Variants in PCDHGA1 observed in about 807,000 individuals in gnomAD.
The protein encoded by PCDHGA1 is protocadherin gamma subfamily A, 1.
In PCDHGA1, 32 loss-of-function variants were observed where a neutral mutation model predicts 58.0. That is an observed-to-expected ratio of 0.55 (90% CI 0.42 to 0.74). The LOEUF is 0.74. Ranked by LOEUF, PCDHGA1 falls within the 30% of genes least tolerant of loss-of-function variation. PCDHGA1 has a pLI of 0.00. For missense variants in PCDHGA1, 1,205 were observed against 1,182.3 expected, an observed-to-expected ratio of 1.02 and a Z score of -0.28; for synonymous variants, 498 against 501.1, an observed-to-expected ratio of 0.99 and a Z score of 0.08.
Position 141,432,771 on chromosome 5 carries a change from T to G in PCDHGA1, c.2422-62036T>G. The G allele has an allele frequency of 6.2e-7, 1 of 1,614,006 alleles. No homozygotes were observed. The highest frequency in any genetic ancestry group is 8.5e-7 in the Non-Finnish European group (1 of 1,179,966). On this transcript the variant is annotated intron_variant, in intron 1 of 3. Coordinates refer to ENST00000517417, the MANE Select transcript of PCDHGA1 (RefSeq NM_018912.3). This position sits in a 1 kb window ranked among gnomAD's most constrained non-coding sequence, Gnocchi z 6.0. ...GCCGTGGCCGACAGCATCCCCCAAG[T>G]CCTGGCGGACCTCGGCAGCCTCGAG...
Position 141,432,331 on chromosome 5 carries a change from G to A in PCDHGA1, c.2422-62476G>A, listed in dbSNP as rs763952193. Reference sequence around the variant, plus strand: ...CGCTGAGCTCCTTCGACTACGAGCAGTTCCGAGACTTGCAAGTGAAAGTGA... The same window carrying A: ...CGCTGAGCTCCTTCGACTACGAGCAATTCCGAGACTTGCAAGTGAAAGTGA... On this transcript the variant is annotated intron_variant, in intron 1 of 3. Transcript: ENST00000517417. The surrounding 1 kb of genome is among the most constrained non-coding windows in gnomAD (Gnocchi z 6.0). The A allele has an allele frequency of 1.2e-6, 2 of 1,614,278 alleles. No individual in the cohort carries two copies. Among genetic ancestry groups the A allele is most frequent in the East Asian group, 2.2e-5 (1 of 44,888 alleles).
chr5:141,475,938 G>T (rs756781296), intron 1 of PCDHGA1: 22 of 682,776 alleles, frequency 3.2e-5, no homozygotes, highest in African/African-American at 7.2e-5. Flanking sequence ...GCCCCTGCCC[G>T]TCCCCTTTCT....
At chr5:141,416,119 T>G (rs930613185) in intron 1 of PCDHGA1, 1 of 155,364 alleles carries the variant, frequency 6.4e-6, no homozygotes, top group Admixed American at 6.5e-5. Flanking sequence ...AACTACATTT[T>G]ATATATTTTT....
chr5:141,384,293 A>G, intron 1 of PCDHGA1: 1 of 1,613,660 alleles, frequency 6.2e-7, no homozygotes, highest in Non-Finnish European at 8.5e-7. Flanking sequence ...GCTGAGAACA[A>G]CCCCAGAGGG....
intron 1 of PCDHGA1, chr5:141,393,177 G>A (rs1330463387): frequency 6.2e-7 from 1 of 1,613,292 alleles, no homozygotes; most frequent in South Asian, 1.1e-5. Flanking sequence ...GGTAGAAATA[G>A]AAATAATTGA....
At chr5:141,426,231 C>A in intron 1 of PCDHGA1, 1 of 158,042 alleles carries the variant, frequency 6.3e-6, no homozygotes, top group Non-Finnish European at 1.4e-5. Flanking sequence ...ATTTTAAAAG[C>A]ACTTTGTGAA....
chr5:141,511,793 G>A lies in PCDHGA1; in HGVS notation c.*620G>A, dbSNP rs2099883948. The stretch of plus-strand genomic sequence containing the variant: ...TACTGATGCTTGCTGGATTTAGGGA[G>A]GGCATTTTGCTACCAAGCCTCTTCC... On this transcript the variant is annotated 3_prime_UTR_variant, in exon 4 of 4. Coordinates refer to ENST00000517417, the MANE Select transcript of PCDHGA1 (RefSeq NM_018912.3). 6.4e-6 allele frequency: 1 copy of A among 157,066 alleles called. No homozygotes were observed. The highest frequency in any genetic ancestry group is 2.4e-5 in the African/African-American group (1 of 41,492). 9.7% of individuals were successfully genotyped at this position (157,066 alleles called of 1,614,324 possible). A position where few individuals can be genotyped will look rare whatever the true frequency, so the allele number is the denominator to read the frequency against.
chr5:141,372,366 G>A lies in PCDHGA1; in HGVS notation c.2421+39261G>A, dbSNP rs867619570. ...AGGACAGCAGCCTCTTTCAGCCACC[G>A]TCATGCTGCACCTAATCTTCGCAGA... On this transcript the variant is annotated intron_variant, in intron 1 of 3. Coordinates refer to ENST00000517417, the MANE Select transcript of PCDHGA1 (RefSeq NM_018912.3). The A allele has an allele frequency of 3.7e-6, 6 of 1,613,832 alleles. No homozygotes were observed. In the African/African-American group the frequency reaches 6.7e-5, roughly 18 times the overall value.
chr5:141,366,157 T>G, intron 1 of PCDHGA1: 1 of 1,614,080 alleles, frequency 6.2e-7, no homozygotes, highest in Non-Finnish European at 8.5e-7. Flanking sequence ...ACCGCCTGCT[T>G]AAGGCCAGCG....
chr5:141,422,685 C>G lies in PCDHGA1; in HGVS notation c.2422-72122C>G, dbSNP rs754112462. The G allele has an allele frequency of 2.5e-6, 4 of 1,605,144 alleles. No individual in the cohort carries two copies. The South Asian group carries it at 4.5e-5, about 18-fold the overall frequency. On this transcript the variant is annotated intron_variant, in intron 1 of 3. Coordinates refer to ENST00000517417, the MANE Select transcript of PCDHGA1 (RefSeq NM_018912.3). ...TCGACCCGGACAGCAAACAGAATGCCCTGGTCACTTACTCTCTGACGGATG... is the reference window on the plus strand; with the variant it reads ...TCGACCCGGACAGCAAACAGAATGCGCTGGTCACTTACTCTCTGACGGATG...
In PCDHGA1 at chr5:141,461,259, T is replaced by C. The variant is rs114101293; in HGVS notation, c.2422-33548T>C. Among the ~76,000 whole-genome samples the C allele has an allele frequency of 4.2e-3, 640 of 152,290 alleles. 5 individuals are homozygous for C. The highest frequency in any genetic ancestry group is 0.015 in the African/African-American group (623 of 41,554). On this transcript the variant is annotated intron_variant, in intron 1 of 3. Coordinates refer to ENST00000517417, the MANE Select transcript of PCDHGA1 (RefSeq NM_018912.3). ...TACTAATTTATATTCCCAGCAGCAA[T>C]GTGTAAGTGTTCTCTTTTCCCCACA...
chr5:141,389,888 G>A, intron 1 of PCDHGA1: 1 of 1,614,086 alleles, frequency 6.2e-7, no homozygotes, highest in Non-Finnish European at 8.5e-7. Context: ...GCTTGCAGGA[G>A]GTGCTGCCGG....
At chr5:141,340,774 C>A in intron 1 of PCDHGA1, 1 of 1,613,928 alleles carries the variant, frequency 6.2e-7, no homozygotes, top group Non-Finnish European at 8.5e-7. Context: ...CGGGCCAGAA[C>A]GCCTGGCTGT....
chr5:141,491,571 C>G lies in PCDHGA1; in HGVS notation c.2422-3236C>G. The G allele has an allele frequency of 6.2e-7, 1 of 1,614,026 alleles. No individual in the cohort carries two copies. The highest frequency in any genetic ancestry group is 8.5e-7 in the Non-Finnish European group (1 of 1,180,042). ...CGCAGAGCCACTGCTACAGGACGTG[C>G]TTTTCACCGGCCTCGGACGGCAGTG... On this transcript the variant is annotated intron_variant, in intron 1 of 3. Transcript: ENST00000517417. This position sits in a 1 kb window ranked among gnomAD's most constrained non-coding sequence, Gnocchi z 6.9.
intron 1 of PCDHGA1, chr5:141,400,023 C>T (rs755667675): frequency 1.1e-5 from 18 of 1,612,872 alleles, no homozygotes; most frequent in Non-Finnish European, 1.3e-5. Context: ...GCGACAGGGA[C>T]GCGGCCCGCC....
At chr5:141,474,524 C>G (rs1260642402) in intron 1 of PCDHGA1, among the ~76,000 whole-genome samples, 1 of 152,170 alleles carries the variant, frequency 6.6e-6, no homozygotes, top group Non-Finnish European at 1.5e-5. Flanking sequence ...GCTGGTCTGG[C>G]TAATTATCAA....
chr5:141,385,097 C>T (rs1296944219), intron 1 of PCDHGA1: 3 of 1,614,192 alleles, frequency 1.9e-6, no homozygotes, highest in East Asian at 2.2e-5. Context: ...GGTGGCTTGG[C>T]GAACGTGCCC....
intron 1 of PCDHGA1, chr5:141,414,343 A>G: frequency 1.9e-6 from 3 of 1,613,882 alleles, no homozygotes; most frequent in Non-Finnish European, 2.5e-6. Flanking sequence ...AACCTGTTCC[A>G]TTTTGGCGTA....
chr5:141,414,866 C>G (rs1413236073), intron 1 of PCDHGA1: 1 of 1,614,230 alleles, frequency 6.2e-7, no homozygotes, highest in Non-Finnish European at 8.5e-7. Flanking sequence ...GACAATGCGC[C>G]CGAGATCCTG....
Sources: gnomAD v4.1 joint callset for allele counts (sites outside exome capture counted in the v4.1 genomes callset) on GRCh38, gnomAD v4.1.1 for gene constraint, Gnocchi (gnomAD v3.1) non-coding constraint, MANE v1.5 for transcripts, NCBI Gene and HGNC (gene_info 2026-07-23, HGNC 2026-07-21) for gene names.